The following LSR variants were observed in gnomAD, a reference collection of about 807,000 sequenced individuals.
The protein encoded by LSR is lipolysis stimulated lipoprotein receptor.
In LSR, 44 loss-of-function variants were observed where a neutral mutation model predicts 61.8. That is an observed-to-expected ratio of 0.71 (90% CI 0.56 to 0.91). The LOEUF (loss-of-function observed/expected upper bound fraction) is 0.91, where lower values mean the gene tolerates loss of function less well. Among genes scored for constraint, LSR ranks in the 40% least tolerant of loss-of-function variants. The pLI is 0.00. For synonymous variants in LSR, 397 were observed against 350.6 expected (o/e 1.13, Z -1.48); for missense variants, 911 against 830.5 (o/e 1.10, Z -1.19).
chr19:35,258,468 A>C (rs1197437354), intron 2 of LSR, among the ~76,000 whole-genome samples: 1 of 151,814 alleles, frequency 6.6e-6, no homozygotes, highest in Non-Finnish European at 1.5e-5. Flanking sequence ...AAAAAAAAAA[A>C]AGCTGGGCAT....
intron 1 of LSR, 189 bp downstream of exon 1, chr19:35,249,320 T>G: frequency 1.4e-5 from 9 of 628,804 alleles, no homozygotes; most frequent in East Asian, 3.4e-5. Context: ...CGGGGAGCGC[T>G]CCCCGCGCCC....
intron 2 of LSR, among the ~76,000 whole-genome samples, chr19:35,250,898 C>G (rs1468136563): frequency 1.3e-5 from 2 of 151,138 alleles, no homozygotes; most frequent in African/African-American, 4.9e-5. Flanking sequence ...CAGGTTCAAG[C>G]AATTCTCTTG....
chr19:35,267,433 A>G lies in LSR; in HGVS notation c.1469A>G (p.Asp490Gly), dbSNP rs369256644. The G allele has an allele frequency of 2.0e-5, 32 of 1,610,518 alleles. No individual in the cohort carries two copies. The African/African-American group carries it at 4.1e-4, about 21-fold the overall frequency. Reference sequence around the variant, plus strand: ...AGCCGGGACGACCTCTATGACCAAGACGACTCGAGGGACTTCCCACGCTCC... The same window carrying G: ...AGCCGGGACGACCTCTATGACCAAGGCGACTCGAGGGACTTCCCACGCTCC... ...SRSRDDLYDQDDSRDFPRSRD... is the reference protein window; with the variant it reads ...SRSRDDLYDQGDSRDFPRSRD... The change falls in exon 9 of 10, where the codon GAC becomes GGC. Residue 490 changes from aspartate (D) to glycine (G), a missense_variant. Coordinates refer to ENST00000605618, the MANE Select transcript of LSR (RefSeq NM_205834.4).
At chr19:35,260,982 T>A (rs2065920964) in intron 3 of LSR, among the ~76,000 whole-genome samples, 1 of 152,232 alleles carries the variant, frequency 6.6e-6, no homozygotes, top group African/African-American at 2.4e-5. Context: ...AATTTCTTCT[T>A]TTGGCCTTGT....
At chr19:35,262,881 A>C (rs930790240) in intron 5 of LSR, 189 bp downstream of exon 5, 9 of 619,980 alleles carry the variant, frequency 1.5e-5, no homozygotes, top group African/African-American at 1.3e-4. Context: ...CTTTTAGTTT[A>C]TTTTTATTTA....
intron 2 of LSR, among the ~76,000 whole-genome samples, chr19:35,256,703 A>AATGG (rs1478557200): frequency 1.2e-5 from 1 of 82,480 alleles, no homozygotes; most frequent in Non-Finnish European, 2.6e-5. Flanking sequence ...TTGAAGGATG[A>AATGG]ATGAATGAAT....
rs538832145 is a variant in LSR, at chr19:35,261,448, G to A, written c.575-477G>A. Reference sequence around the variant, plus strand: ...GCCCTAGCTACTTACCCCAGAGGCTGAGGTGGGAGGATCGCCTGAGCCCAC... The same window carrying A: ...GCCCTAGCTACTTACCCCAGAGGCTAAGGTGGGAGGATCGCCTGAGCCCAC... On this transcript the variant is annotated intron_variant, in intron 3 of 9. Coordinates refer to ENST00000605618, the MANE Select transcript of LSR (RefSeq NM_205834.4). Among the ~76,000 whole-genome samples, 77 of 152,324 alleles carry A rather than the reference G, an allele frequency of 5.1e-4. 1 individual carries two copies. The highest frequency in any genetic ancestry group is 4.4e-5 in the Non-Finnish European group (3 of 68,038).
intron 2 of LSR, chr19:35,253,263 T>A (rs558677380): frequency 6.6e-6 from 1 of 152,082 alleles, no homozygotes; most frequent in East Asian, 1.9e-4. Context: ...AAGGTTGCGG[T>A]GCGCCAAGAT....
Position 35,250,416 on chromosome 19 carries a change from C to A in LSR, c.211C>A (p.Pro71Thr). Residue 71 changes from proline (P) to threonine (T), a missense_variant, in exon 2 of 10, where the codon CCC becomes ACC. By Grantham distance (38) the Pro-to-Thr change is conservative. Coordinates refer to ENST00000605618, the MANE Select transcript of LSR (RefSeq NM_205834.4). ...CTGTACCTACCAGATGACCTCGACC[C>A]CCACGCAACCCATCGTCATCTGGAA... ...LPCTYQMTST[P>T]TQPIVIWKYK... The A allele has an allele frequency of 1.9e-6, 3 of 1,613,972 alleles. No individual in the cohort carries two copies. The highest frequency in any genetic ancestry group is 1.7e-6 in the Non-Finnish European group (2 of 1,179,944).
rs200199085 is a variant in LSR, at chr19:35,266,339, T to G, written c.779-20T>G. ...GGCTCCTGCCTCATCCCCCTTCTCC[T>G]GTTGATTGTGTCCTCACAGTGTATG... On this transcript the variant is annotated intron_variant, in intron 5 of 9. Transcript: ENST00000605618. 18 of 1,549,262 alleles carry G rather than the reference T, an allele frequency of 1.2e-5. No individual in the cohort carries two copies. In the Admixed American group the frequency reaches 2.1e-4, roughly 18 times the overall value.
rs774985106 is a variant in LSR at position 35,266,704 on chromosome 19, C to T, written c.978C>T (p.Pro326=). Residue 326 remains proline, a synonymous_variant, in exon 7 of 10, where the codon CCC becomes CCT. Transcript: ENST00000605618. ...SSAGGQGSYV[P]LLRDTDSSVA... is the part of the protein sequence containing the mutation. Reference sequence around the variant, plus strand: ...CTGGTGGCCAAGGCTCCTATGTACCCCTGCTTCGGGACACGGACAGCAGTG... The same window carrying T: ...CTGGTGGCCAAGGCTCCTATGTACCTCTGCTTCGGGACACGGACAGCAGTG... 3.7e-6 allele frequency: 6 copies of T among 1,609,128 alleles called. No individual in the cohort carries two copies. The highest frequency in any genetic ancestry group is 5.1e-6 in the Non-Finnish European group (6 of 1,178,178).
At position 35,266,342 on chromosome 19, in the gene LSR, T is replaced by C; in HGVS notation, c.779-17T>C. 2.6e-6 allele frequency: 4 copies of C among 1,551,112 alleles called. No homozygotes were observed. Among genetic ancestry groups the C allele is most frequent in the South Asian group, 1.2e-5 (1 of 81,698 alleles). On this transcript the variant is annotated splice_polypyrimidine_tract_variant and intron_variant, in intron 5 of 9. Coordinates refer to ENST00000605618, the MANE Select transcript of LSR (RefSeq NM_205834.4). ...TCCTGCCTCATCCCCCTTCTCCTGT[T>C]GATTGTGTCCTCACAGTGTATGCCG...
chr19:35,255,333 G>A (rs746763478), intron 2 of LSR, among the ~76,000 whole-genome samples: 3 of 152,074 alleles, frequency 2.0e-5, no homozygotes, highest in Non-Finnish European at 2.9e-5. Flanking sequence ...AGATACAGGT[G>A]GAAAAATGAT....
Position 35,250,404 on chromosome 19 carries a change from A to C in LSR, c.199A>C (p.Met67Leu), listed in dbSNP as rs1236676013. 1 of 1,613,496 alleles carries C rather than the reference A, an allele frequency of 6.2e-7. No homozygotes were observed. The highest frequency in any genetic ancestry group is 8.5e-7 in the Non-Finnish European group (1 of 1,179,736). Residue 67 changes from methionine (M) to leucine (L), a missense_variant, in exon 2 of 10, where the codon ATG (methionine) becomes CTG (leucine). Coordinates refer to ENST00000605618, the MANE Select transcript of LSR (RefSeq NM_205834.4). The part of the protein sequence containing the change: ...QPVTLPCTYQ[M>L]TSTPTQPIVI... ...TGTGACCCTGCCCTGTACCTACCAG[A>C]TGACCTCGACCCCCACGCAACCCAT... is the stretch of plus-strand genomic sequence containing the variant.
chr19:35,252,354 T>C (rs534774202), intron 2 of LSR, among the ~76,000 whole-genome samples: 3 of 151,880 alleles, frequency 2.0e-5, no homozygotes, highest in African/African-American at 7.3e-5. Context: ...AGAAAGAGTA[T>C]GAGAATTTCA....
chr19:35,251,846 T>G (rs2065796870), intron 2 of LSR: 1 of 128,646 alleles, frequency 7.8e-6, no homozygotes, highest in South Asian at 2.6e-4. Context: ...CCTTGTTCTT[T>G]TTTTTTGAGA....
Position 35,259,076 on chromosome 19 carries a change from TG to T in LSR, c.574+15del. 1 of 1,610,748 alleles carries T rather than the reference TG, an allele frequency of 6.2e-7. No homozygotes were observed. The highest frequency in any genetic ancestry group is 8.5e-7 in the Non-Finnish European group (1 of 1,177,722). On this transcript the variant is annotated intron_variant, in intron 3 of 9. Transcript: ENST00000605618. ...GCTCATCGTCCTTGGTGAGTGGGCC[TG>T]GGAAGGGGGAGGCATGGCCCTTCCT...
At position 35,266,975 on chromosome 19, in the gene LSR, G is replaced by A. The variant is rs778003405; in HGVS notation, c.1144+8G>A. The stretch of plus-strand genomic sequence containing the variant: ...GTGGCCGTGTGGAGCGGGGTAAGCA[G>A]GAGCCTTGGGGTCTGAGGGCTTTTA... On this transcript the variant is annotated splice_region_variant and intron_variant, in intron 8 of 9. Transcript: ENST00000605618. 6.2e-7 allele frequency: 1 copy of A among 1,605,142 alleles called. No individual in the cohort carries two copies. Among genetic ancestry groups the A allele is most frequent in the Non-Finnish European group, 8.5e-7 (1 of 1,176,344 alleles).
At chr19:35,262,738 A>C in intron 5 of LSR, 46 bp downstream of exon 5, 1 of 1,595,968 alleles carries the variant, frequency 6.3e-7, no homozygotes, top group Non-Finnish European at 8.5e-7. Flanking sequence ...AACATCCTGC[A>C]TCCAAGGGAA....
Sources: allele counts gnomAD v4.1 joint callset (sites outside exome capture counted in the v4.1 genomes callset), GRCh38; gene constraint gnomAD v4.1.1; transcripts MANE v1.5; gene names NCBI Gene and HGNC (gene_info 2026-07-23, HGNC 2026-07-21).